EPM2A: variants seen among roughly 807,000 people sequenced by gnomAD.
EPM2A encodes the protein EPM2A glucan phosphatase, laforin, also known as laforin.
A neutral mutation model predicts 26.5 loss-of-function variants in EPM2A; 21 were observed. The observed-to-expected ratio is 0.79, with a 90% CI of 0.56 to 1.14. EPM2A has a LOEUF of 1.14. Ranked by LOEUF, EPM2A falls within the 50% of genes most tolerant of loss-of-function variation. EPM2A has a pLI of 0.00. For synonymous variants in EPM2A, 217 were observed against 177.6 expected, an observed-to-expected ratio of 1.22 and a Z score of -1.76; for missense variants, 458 against 440.8, an observed-to-expected ratio of 1.04 and a Z score of -0.35.
At chr6:145,621,936 T>C (rs940983134), downstream of EPM2A, among the ~76,000 whole-genome samples, 8 of 152,196 alleles carry the variant, frequency 5.3e-5, no homozygotes, top group Non-Finnish European at 7.3e-5. Flanking sequence ...CAGAAACCTT[T>C]TAGTTTGATG....
chr6:145,561,542 T>C (rs1457472364), intron 2 of EPM2A, among the ~76,000 whole-genome samples: 3 of 152,168 alleles, frequency 2.0e-5, no homozygotes, highest in Admixed American at 1.3e-4. Flanking sequence ...AGCAGAGCCC[T>C]ACCCTATTAA....
chr6:145,490,232 C>T, intron 4 of EPM2A: 1 of 1,207,070 alleles, frequency 8.3e-7, no homozygotes, highest in Non-Finnish European at 1.2e-6. Flanking sequence ...TTGCATAAAC[C>T]ACAAGTCACA....
At chr6:145,639,707 T>C (rs1014759341) in intron 2 of EPM2A, 2 of 152,204 alleles carry the variant, frequency 1.3e-5, no homozygotes, top group South Asian at 2.1e-4. Flanking sequence ...CTACAAATAA[T>C]TCCTAGAGTG....
chr6:145,573,977 C>A (rs181255434), intron 2 of EPM2A, among the ~76,000 whole-genome samples: 22 of 152,270 alleles, frequency 1.4e-4, no homozygotes, highest in Admixed American at 7.8e-4. Context: ...TGATCATTTC[C>A]TTTTCCCCAA....
rs537575181 is a variant in EPM2A at position 145,501,773 on chromosome 6, C to T, written c.*34G>A. ...GTCGTCACCCATCTGCCATCTTCTA[C>T]GAGATATAATAAGGTTAGGGAGATA... is the stretch of plus-strand genomic sequence containing the variant. On this transcript the variant is annotated 3_prime_UTR_variant, in exon 4 of 4. Coordinates refer to the EPM2A transcript ENST00000450221. 64 of 470,830 alleles carry T rather than the reference C, an allele frequency of 1.4e-4. 1 individual carries two copies. Among genetic ancestry groups the T allele is most frequent in the South Asian group, 4.3e-4 (28 of 64,518 alleles). 29.2% of individuals were successfully genotyped at this position (470,830 alleles called of 1,614,324 possible). A position where few individuals can be genotyped will look rare whatever the true frequency, so the allele number is the denominator to read the frequency against.
intron 4 of EPM2A, among the ~76,000 whole-genome samples, chr6:145,462,149 T>C (rs1018230433): frequency 6.6e-6 from 1 of 152,222 alleles, no homozygotes; most frequent in Non-Finnish European, 1.5e-5. Flanking sequence ...TATTGTTTTA[T>C]ATAAATTTAT....
At chr6:145,732,979 G>C (rs1003457683) in intron 1 of EPM2A, among the ~76,000 whole-genome samples, 2 of 152,092 alleles carry the variant, frequency 1.3e-5, no homozygotes, top group African/African-American at 4.8e-5. Context: ...AGGCAATCTG[G>C]CTCCAGAATC....
intron 1 of EPM2A, among the ~76,000 whole-genome samples, chr6:145,707,269 T>C (rs947796618): frequency 1.3e-5 from 2 of 152,202 alleles, no homozygotes; most frequent in Non-Finnish European, 2.9e-5. Context: ...AAAACTGCCA[T>C]GATTTTGTCA....
intron 2 of EPM2A, among the ~76,000 whole-genome samples, chr6:145,507,035 G>A (rs1057485770): frequency 6.6e-6 from 1 of 152,150 alleles, no homozygotes; most frequent in African/African-American, 2.4e-5. Flanking sequence ...CCAAAGTGCT[G>A]AGATTATAAG....
intron 4 of EPM2A, among the ~76,000 whole-genome samples, chr6:145,477,391 A>C (rs1359443569): frequency 1.3e-5 from 2 of 151,934 alleles, no homozygotes; most frequent in African/African-American, 4.8e-5. Flanking sequence ...TATTCCAAAA[A>C]ATTGAGGAGT....
At chr6:145,423,201 T>C (rs1282273566) in intron 4 of EPM2A, among the ~76,000 whole-genome samples, 1 of 152,196 alleles carries the variant, frequency 6.6e-6, no homozygotes, top group East Asian at 1.9e-4. Flanking sequence ...AACCTTGATA[T>C]AAACTTCCCC....
intron 4 of EPM2A, among the ~76,000 whole-genome samples, chr6:145,388,527 T>C (rs2114655137): frequency 6.6e-6 from 1 of 152,282 alleles, no homozygotes; most frequent in African/African-American, 2.4e-5. Context: ...AAAAAATTAT[T>C]ATTATACTTT....
chr6:145,518,601 A>G (rs1427734677), intron 2 of EPM2A, among the ~76,000 whole-genome samples: 1 of 44,320 alleles, frequency 2.3e-5, no homozygotes, highest in Non-Finnish European at 5.3e-5. Context: ...GCACCAAAAA[A>G]AAAAAAAAAA....
intron 2 of EPM2A, among the ~76,000 whole-genome samples, chr6:145,650,398 A>G (rs1344132432): frequency 1.3e-5 from 2 of 152,054 alleles, no homozygotes; most frequent in Non-Finnish European, 2.9e-5. Flanking sequence ...CTAAAATTAC[A>G]AAAATTAGCT....
intron 2 of EPM2A, among the ~76,000 whole-genome samples, chr6:145,597,607 T>A (rs1397873895): frequency 1.3e-5 from 2 of 152,166 alleles, no homozygotes; most frequent in East Asian, 3.9e-4. Context: ...GGTTTGGGGG[T>A]ACATGTGAAG....
intron 4 of EPM2A, among the ~76,000 whole-genome samples, chr6:145,463,872 T>A (rs926808764): frequency 6.6e-6 from 1 of 152,142 alleles, no homozygotes. Context: ...TTTGGCTATG[T>A]CCCCACCCAA....
intron 2 of EPM2A, among the ~76,000 whole-genome samples, chr6:145,533,274 G>A (rs1780386754): frequency 1.3e-5 from 2 of 151,734 alleles, no homozygotes; most frequent in Non-Finnish European, 2.9e-5. Context: ...CCTCTCCTCT[G>A]TAACTACCAC....
chr6:145,600,674 A>T (rs748028118), intron 2 of EPM2A, among the ~76,000 whole-genome samples: 2 of 152,186 alleles, frequency 1.3e-5, no homozygotes, highest in Admixed American at 1.3e-4. Flanking sequence ...TAACAGTAAA[A>T]GGTGCTGGAG....
At chr6:145,623,192 C>G (rs529264435), downstream of EPM2A, among the ~76,000 whole-genome samples, 105 of 152,140 alleles carry the variant, frequency 6.9e-4, no homozygotes, top group Non-Finnish European at 1.4e-3. Flanking sequence ...AAATTTCTGC[C>G]TTTATAATGC....
Sources: gnomAD v4.1 joint callset for allele counts (sites outside exome capture counted in the v4.1 genomes callset) on GRCh38, gnomAD v4.1.1 for gene constraint, MANE v1.5 for transcripts, NCBI Gene and HGNC (gene_info 2026-07-23, HGNC 2026-07-21) for gene names.